NCOA1: variants seen among roughly 807,000 people sequenced by gnomAD.
The protein encoded by NCOA1 is nuclear receptor coactivator 1.
A neutral mutation model predicts 150.9 loss-of-function variants in NCOA1; 35 were observed. The observed-to-expected ratio is 0.23, with a 90% CI of 0.18 to 0.31. NCOA1 has a LOEUF of 0.31. Among genes scored for constraint, NCOA1 ranks in the 10% least tolerant of loss-of-function variants. The pLI, the probability that NCOA1 is intolerant of heterozygous loss-of-function variation, is 1.00. For missense variants in NCOA1, 1,491 were observed against 1,749.3 expected, an observed-to-expected ratio of 0.85 and a Z score of 2.63; for synonymous variants, 590 against 630.0, an observed-to-expected ratio of 0.94 and a Z score of 0.95.
At chr2:24,757,303 A>G (rs1664551127) in intron 20 of NCOA1, among the ~76,000 whole-genome samples, 1 of 152,200 alleles carries the variant, frequency 6.6e-6, no homozygotes, top group South Asian at 2.1e-4. Flanking sequence ...CAAAAAATGT[A>G]TGCCACTTCA....
At chr2:24,587,525 A>C (rs748175628) in intron 3 of NCOA1, among the ~76,000 whole-genome samples, 6 of 152,162 alleles carry the variant, frequency 3.9e-5, no homozygotes, top group Non-Finnish European at 8.8e-5. Flanking sequence ...GATTTTCCCA[A>C]AATTCTTCTT....
At chr2:24,513,604 G>C (rs534467637) in intron 1 of NCOA1, among the ~76,000 whole-genome samples, 9 of 152,240 alleles carry the variant, frequency 5.9e-5, no homozygotes, top group South Asian at 2.1e-4. Context: ...GTGTGTGTGC[G>C]TGCACACGTG....
At chr2:24,713,214 A>G (rs1027139276) in intron 14 of NCOA1, among the ~76,000 whole-genome samples, 1 of 152,084 alleles carries the variant, frequency 6.6e-6, no homozygotes, top group African/African-American at 2.4e-5. Context: ...CTGGGCGACA[A>G]GAGCAAAACT....
chr2:24,497,397 G>C (rs1442819836), intron 1 of NCOA1, among the ~76,000 whole-genome samples: 1 of 152,072 alleles, frequency 6.6e-6, no homozygotes, highest in Admixed American at 6.6e-5. Context: ...ATTCTTGTGG[G>C]CTGGGCGTGG....
At chr2:24,762,491 T>A (rs1175487794) in intron 21 of NCOA1, among the ~76,000 whole-genome samples, 196 bp from the exon 22 acceptor site, 1 of 152,228 alleles carries the variant, frequency 6.6e-6, no homozygotes. Flanking sequence ...GAGGTTCTCC[T>A]TGTGTCCCTT....
chr2:24,757,832 T>A (rs1664574908), intron 20 of NCOA1, 141 bp from the exon 21 acceptor site: 3 of 705,020 alleles, frequency 4.3e-6, no homozygotes. Context: ...CTGAATTATA[T>A]TAATTTTTAT....
At chr2:24,505,468 T>C (rs1663654568) in intron 1 of NCOA1, among the ~76,000 whole-genome samples, 2 of 152,226 alleles carry the variant, frequency 1.3e-5, no homozygotes, top group African/African-American at 4.8e-5. Context: ...TGTGAGCCAC[T>C]GTGCTTGGCT....
At chr2:24,683,869 A>G (rs898475029) in intron 8 of NCOA1, among the ~76,000 whole-genome samples, 1 of 152,188 alleles carries the variant, frequency 6.6e-6, no homozygotes, top group Non-Finnish European at 1.5e-5. Context: ...GATAAATAAG[A>G]AAGTTTTCAT....
chr2:24,665,815 C>G lies in NCOA1; in HGVS notation c.156C>G (p.Ala52=). The change falls in exon 6 of 23, where the codon GCC becomes GCG. Residue 52 remains alanine, a synonymous_variant. Transcript: ENST00000348332. The part of the protein sequence containing the change: ...YLEELAELLS[A]NISDIDSLSV... Reference sequence around the variant, plus strand: ...AAGAACTAGCTGAGTTACTGTCTGCCAACATTAGTGACATTGACAGCTTGA... The same window carrying G: ...AAGAACTAGCTGAGTTACTGTCTGCGAACATTAGTGACATTGACAGCTTGA... The G allele has an allele frequency of 6.2e-7, 1 of 1,604,508 alleles. No homozygotes were observed. Among genetic ancestry groups the G allele is most frequent in the Non-Finnish European group, 8.5e-7 (1 of 1,175,210 alleles).
chr2:24,681,823 T>C (rs1672190413), intron 7 of NCOA1, among the ~76,000 whole-genome samples: 1 of 151,822 alleles, frequency 6.6e-6, no homozygotes. Context: ...CACACCGTTC[T>C]CCTGCCTCAG....
intron 7 of NCOA1, 25 bp from the exon 8 acceptor site, chr2:24,682,926 C>A (rs1672243268): frequency 6.4e-7 from 1 of 1,556,050 alleles, no homozygotes; most frequent in Non-Finnish European, 8.6e-7. Flanking sequence ...AACCTCCAAA[C>A]CATTTTTTTC....
intron 2 of NCOA1, among the ~76,000 whole-genome samples, chr2:24,576,149 G>GTTTTTTTTTGTTTTTTTTTTT (rs1666947727): frequency 5.2e-4 from 49 of 93,990 alleles, no homozygotes; most frequent in Non-Finnish European, 8.6e-4. Context: ...TTTGGCCTTT[G>GTTTTTTTTTGTTTTTTTTTTT]TTTTTTTTTT....
chr2:24,695,021 G>A (rs1334884308), intron 10 of NCOA1, among the ~76,000 whole-genome samples: 2 of 151,980 alleles, frequency 1.3e-5, no homozygotes, highest in East Asian at 1.9e-4. Flanking sequence ...GTCAGAGATG[G>A]GGGAGGCCTA....
At chr2:24,656,583 C>T (rs1310314541) in intron 4 of NCOA1, among the ~76,000 whole-genome samples, 4 of 152,176 alleles carry the variant, frequency 2.6e-5, no homozygotes, top group Non-Finnish European at 5.9e-5. Flanking sequence ...TTTAGCTATA[C>T]TTTTGGATCT....
At chr2:24,666,894 C>T (rs1310024456) in intron 6 of NCOA1, among the ~76,000 whole-genome samples, 1 of 151,958 alleles carries the variant, frequency 6.6e-6, no homozygotes, top group East Asian at 1.9e-4. Flanking sequence ...TTACTGGAAC[C>T]CCATACCATC....
chr2:24,536,278 C>T (rs974056536), intron 1 of NCOA1, among the ~76,000 whole-genome samples: 3 of 152,146 alleles, frequency 2.0e-5, no homozygotes, highest in Non-Finnish European at 2.9e-5. Context: ...ACAAAGTTCT[C>T]GTGCCGTGGT....
intron 20 of NCOA1, among the ~76,000 whole-genome samples, chr2:24,755,003 G>A (rs1467405829): frequency 2.0e-5 from 3 of 152,176 alleles, no homozygotes. Flanking sequence ...TGGTTCATGT[G>A]CAAAAGCTTA....
At chr2:24,670,132 G>A (rs1256807074) in intron 6 of NCOA1, among the ~76,000 whole-genome samples, 2 of 113,632 alleles carry the variant, frequency 1.8e-5, no homozygotes, top group Non-Finnish European at 2.0e-5. Flanking sequence ...AGCAAGGAGT[G>A]TCTTAGGAAA....
chr2:24,755,752 A>G (rs969328119), intron 20 of NCOA1, among the ~76,000 whole-genome samples: 11 of 152,230 alleles, frequency 7.2e-5, no homozygotes, highest in South Asian at 4.1e-4. Flanking sequence ...AACTTAAACT[A>G]ATATACAGTC....
Sources: allele counts gnomAD v4.1 joint callset (sites outside exome capture counted in the v4.1 genomes callset), GRCh38; gene constraint gnomAD v4.1.1; transcripts MANE v1.5; gene names NCBI Gene and HGNC (gene_info 2026-07-23, HGNC 2026-07-21).